CRYM: variants seen among roughly 807,000 people sequenced by gnomAD.
The protein encoded by CRYM is crystallin mu.
Under a neutral mutation model 32.9 loss-of-function variants are expected in CRYM, and 18 were observed. The ratio of observed to expected loss-of-function variants is 0.55; its 90% CI spans 0.38 to 0.81. The LOEUF (loss-of-function observed/expected upper bound fraction) is 0.81, where lower values mean the gene tolerates loss of function less well. CRYM is among the 30% of genes least tolerant of loss of function. The pLI is 0.00. For synonymous variants in CRYM, 153 were observed against 152.4 expected (o/e 1.00, Z -0.03); for missense variants, 337 against 393.5 (o/e 0.86, Z 1.21).
intron 1 of CRYM, among the ~76,000 whole-genome samples, chr16:21,290,033 A>C (rs200641979): frequency 4.8e-5 from 7 of 147,158 alleles, no homozygotes; most frequent in South Asian, 4.2e-4. Context: ...TGTAAAATGG[A>C]CCAATCAGCA....
intron 1 of CRYM, among the ~76,000 whole-genome samples, chr16:21,285,966 G>A (rs12446342): frequency 0.017 from 2,514 of 152,186 alleles, 86 homozygotes; most frequent in East Asian, 0.079. Context: ...CTTGATGTTG[G>A]GTTAGCAACC....
intron 5 of CRYM, among the ~76,000 whole-genome samples, chr16:21,265,560 C>T (rs2093362264): frequency 6.6e-6 from 1 of 152,204 alleles, no homozygotes. Flanking sequence ...TCTATCTCTC[C>T]TCACTGAAAT....
intron 3 of CRYM, among the ~76,000 whole-genome samples, chr16:21,271,756 C>T (rs1483149289): frequency 6.6e-6 from 1 of 152,088 alleles, no homozygotes; most frequent in African/African-American, 2.4e-5. Flanking sequence ...TTACAGTATC[C>T]CATAAAAATA....
chr16:21,288,720 A>G (rs1180980469), intron 1 of CRYM, among the ~76,000 whole-genome samples: 1 of 152,236 alleles, frequency 6.6e-6, no homozygotes, highest in East Asian at 1.9e-4. Flanking sequence ...TATTTGAAAT[A>G]GTTTTAAATG....
chr16:21,269,998 C>T, intron 3 of CRYM, 107 bp from the exon 4 acceptor site: 1 of 763,742 alleles, frequency 1.3e-6, no homozygotes, highest in Non-Finnish European at 2.3e-6. Context: ...CTTCTGCCTC[C>T]CTCAAGAGCT....
At chr16:21,299,948 T>G (rs1429922926) in intron 1 of CRYM, 1 of 152,192 alleles carries the variant, frequency 6.6e-6, no homozygotes, top group Non-Finnish European at 1.5e-5. Flanking sequence ...GATCCTTAAC[T>G]GCTACATTCC....
intron 1 of CRYM, 70 bp downstream of exon 1, chr16:21,278,012 T>A: frequency 2.1e-6 from 3 of 1,432,306 alleles, no homozygotes; most frequent in Non-Finnish European, 2.8e-6. Flanking sequence ...CTCCCACCCC[T>A]CCTCTTCCTG....
At chr16:21,290,541 C>T (rs1277574899) in intron 1 of CRYM, among the ~76,000 whole-genome samples, 1 of 152,194 alleles carries the variant, frequency 6.6e-6, no homozygotes, top group African/African-American at 2.4e-5. Context: ...AGACCAAGAA[C>T]CCACGGGAGG....
rs1284231518 is a variant in CRYM, at chr16:21,292,082, C to G, written c.-193+10896G>C. On this transcript the variant is annotated intron_variant, in intron 1 of 9. Transcript: ENST00000219599. ...ATAGAAACACTTGTATGCAAACATTCATAAATAGCTTTAATTATAAAGGCC... is the reference window on the plus strand; with the variant it reads ...ATAGAAACACTTGTATGCAAACATTGATAAATAGCTTTAATTATAAAGGCC... Among the ~76,000 whole-genome samples the G allele has an allele frequency of 3.3e-5, 5 of 152,044 alleles. 1 individual carries two copies. The highest frequency in any genetic ancestry group is 7.4e-5 in the Non-Finnish European group (5 of 67,950).
chr16:21,261,447 TAA>T (rs5816151), intron 6 of CRYM, 109 bp from the exon 7 acceptor site: 5,235 of 586,898 alleles, frequency 8.9e-3, no homozygotes, highest in Non-Finnish European at 0.01. Context: ...TAAATTTGAT[TAA>T]AAAAAAAAAA....
intron 3 of CRYM, among the ~76,000 whole-genome samples, chr16:21,271,038 T>C (rs186027512): frequency 1.6e-4 from 24 of 152,310 alleles, no homozygotes; most frequent in Admixed American, 6.5e-4. Flanking sequence ...ACAGAACTGG[T>C]ACATACCTAC....
chr16:21,260,026 A>G (rs1471098650), intron 7 of CRYM, among the ~76,000 whole-genome samples: 43 of 152,320 alleles, frequency 2.8e-4, no homozygotes, highest in Admixed American at 2.5e-3. Flanking sequence ...CAGGCTCCAG[A>G]TAAAATTGTA....
chr16:21,270,740 CCCTT>C (rs1299634946), intron 3 of CRYM, among the ~76,000 whole-genome samples: 7 of 152,148 alleles, frequency 4.6e-5, no homozygotes, highest in African/African-American at 1.7e-4. Flanking sequence ...ATTCTGTGAG[CCCTT>C]CCTTCCCAGG....
intron 1 of CRYM, among the ~76,000 whole-genome samples, chr16:21,292,838 C>G (rs1316847923): frequency 6.6e-6 from 1 of 151,932 alleles, no homozygotes; most frequent in Non-Finnish European, 1.5e-5. Context: ...TTATCCCAAA[C>G]TATACTTTTT....
intron 2 of CRYM, 137 bp from the exon 3 acceptor site, chr16:21,275,731 C>T: frequency 1.4e-6 from 1 of 702,032 alleles, no homozygotes; most frequent in South Asian, 1.5e-5. Context: ...AGACCTGGAT[C>T]CGATTCCTCC....
At chr16:21,284,749 G>T (rs1018612533) in intron 1 of CRYM, among the ~76,000 whole-genome samples, 1 of 152,120 alleles carries the variant, frequency 6.6e-6, no homozygotes, top group Admixed American at 6.5e-5. Context: ...ACATACAGAC[G>T]CATGTATCTT....
At chr16:21,298,202 A>G (rs1243310911) in intron 1 of CRYM, among the ~76,000 whole-genome samples, 1 of 152,214 alleles carries the variant, frequency 6.6e-6, no homozygotes. Context: ...TGAAAGGGAT[A>G]TTCACCAGTT....
chr16:21,269,510 C>T (rs1354979299), intron 4 of CRYM, among the ~76,000 whole-genome samples: 1 of 152,164 alleles, frequency 6.6e-6, no homozygotes, highest in Non-Finnish European at 1.5e-5. Flanking sequence ...TGAATGTATA[C>T]AAGAGATATA....
intron 5 of CRYM, among the ~76,000 whole-genome samples, chr16:21,266,940 G>A (rs972538994): frequency 6.6e-6 from 1 of 152,008 alleles, no homozygotes; most frequent in African/African-American, 2.4e-5. Context: ...CCAGGAGGCA[G>A]AGGTTGCAGT....
Sources: allele counts gnomAD v4.1 joint callset (sites outside exome capture counted in the v4.1 genomes callset), GRCh38; gene constraint gnomAD v4.1.1; transcripts MANE v1.5; gene names NCBI Gene and HGNC (gene_info 2026-07-23, HGNC 2026-07-21).